Variants in CLASP1 observed in about 807,000 individuals in gnomAD.
The protein encoded by CLASP1 is cytoplasmic linker associated protein 1.
A neutral mutation model predicts 192.3 loss-of-function variants in CLASP1; 38 were observed. The observed-to-expected ratio is 0.20, with a 90% CI of 0.15 to 0.26. The LOEUF (loss-of-function observed/expected upper bound fraction) is 0.26, where lower values mean the gene tolerates loss of function less well. Among genes scored for constraint, CLASP1 ranks in the 10% least tolerant of loss-of-function variants. CLASP1 has a pLI of 1.00. For missense variants in CLASP1, 1,433 were observed against 1,932.5 expected (o/e 0.74, Z 4.85); for synonymous variants, 691 against 712.8 (o/e 0.97, Z 0.49).
intron 19 of CLASP1, among the ~76,000 whole-genome samples, chr2:121,430,454 G>A (rs757027838): frequency 8.5e-5 from 13 of 152,248 alleles, no homozygotes; most frequent in Non-Finnish European, 1.8e-4. Context: ...AGCTATTTTA[G>A]TATGTTATCT....
rs1055983835 is a variant in CLASP1 at position 121,606,046 on chromosome 2, C to CA, written c.-152dup. 1.2e-4 allele frequency: 76 copies of CA among 635,374 alleles called. No homozygotes were observed. The African/African-American group carries it at 1.4e-3, about 11-fold the overall frequency. 39.4% of individuals were successfully genotyped at this position (635,374 alleles called of 1,614,324 possible). The stretch of plus-strand genomic sequence containing the variant: ...TGCAATCTGGGGAATGGCAACAATG[C>CA]ACCATGTGTGTCTGAAGAGCAGCTG... On this transcript the variant is annotated 5_prime_UTR_variant, in exon 2 of 40. It introduces an in-frame stop codon into an upstream open reading frame of the 5' UTR. Coordinates refer to ENST00000263710, the Ensembl canonical transcript of CLASP1.
chr2:121,425,253 G>A, exon 22 of CLASP1: 1 of 1,613,326 alleles, frequency 6.2e-7, no homozygotes, highest in Non-Finnish European at 8.5e-7. Context: ...CCCCCAGTAA[G>A]TCCACCATAA....
At chr2:121,367,903 T>C in intron 34 of CLASP1, 72 bp from the exon 36 acceptor site, 2 of 1,565,250 alleles carry the variant, frequency 1.3e-6, no homozygotes, top group Non-Finnish European at 8.7e-7. Flanking sequence ...CTCAGAAATA[T>C]TAAGAAGGCC....
At chr2:121,339,649 G>A (rs1182760167) in exon 40 of CLASP1, 1 of 152,144 alleles carries the variant, frequency 6.6e-6, no homozygotes, top group African/African-American at 2.4e-5. Context: ...GACTCTAAAT[G>A]TGTGTTCTTT....
intron 1 of CLASP1, among the ~76,000 whole-genome samples, chr2:121,611,831 A>G (rs2065595923): frequency 1.3e-5 from 2 of 149,784 alleles, no homozygotes; most frequent in Non-Finnish European, 3.0e-5. Flanking sequence ...GAGGAAGAGG[A>G]ACTGGAGGAG....
chr2:121,397,383 A>C (rs2075457806), intron 29 of CLASP1, 100 bp from the exon 31 acceptor site: 2 of 972,824 alleles, frequency 2.1e-6, no homozygotes, highest in Non-Finnish European at 3.1e-6. Context: ...GGTGAGGGGG[A>C]TCTCCTTCCT....
chr2:121,358,388 C>T (rs1483119665), intron 37 of CLASP1, among the ~76,000 whole-genome samples: 1 of 152,208 alleles, frequency 6.6e-6, no homozygotes, highest in Non-Finnish European at 1.5e-5. Flanking sequence ...AAAGGCATTT[C>T]TCCAGAGTTC....
Position 121,556,207 on chromosome 2 carries a change from C to T in CLASP1, c.196-25882G>A, listed in dbSNP as rs115042711. 8.5e-3 allele frequency among the ~76,000 whole-genome samples: 1,296 copies of T among 151,904 alleles called. 20 individuals are homozygous for T. The highest frequency in any genetic ancestry group is 0.03 in the African/African-American group (1,248 of 41,410). On this transcript the variant is annotated intron_variant, in intron 2 of 39. Coordinates refer to ENST00000263710, the Ensembl canonical transcript of CLASP1. ...TGCCATGTTGGCCAGGCTGGTCTCACATTCCTGGCCTCAAGTGATCTGCCC... is the reference window on the plus strand; with the variant it reads ...TGCCATGTTGGCCAGGCTGGTCTCATATTCCTGGCCTCAAGTGATCTGCCC...
chr2:121,449,255 G>A (rs191691551), intron 16 of CLASP1, 135 bp from the exon 17 acceptor site: 5 of 662,202 alleles, frequency 7.6e-6, no homozygotes, highest in South Asian at 2.3e-5. Flanking sequence ...AGGAGGAGAG[G>A]GTAAACAAAG....
intron 7 of CLASP1, among the ~76,000 whole-genome samples, chr2:121,515,216 C>T (rs990004772): frequency 6.6e-6 from 1 of 152,172 alleles, no homozygotes; most frequent in Non-Finnish European, 1.5e-5. Context: ...GACATGAAAA[C>T]AGAAAGTTAC....
chr2:121,378,299 A>C (rs2070761505), intron 33 of CLASP1, among the ~76,000 whole-genome samples: 1 of 152,334 alleles, frequency 6.6e-6, no homozygotes, highest in Non-Finnish European at 1.5e-5. Context: ...TTGGAGTTTT[A>C]TAATCAAAGC....
At position 121,424,548 on chromosome 2, in the gene CLASP1, T is replaced by C. The variant is rs2080067340; in HGVS notation, c.2212+591A>G. 2.0e-5 allele frequency among the ~76,000 whole-genome samples: 3 copies of C among 152,226 alleles called. No individual in the cohort carries two copies. The South Asian group carries it at 6.2e-4, about 31-fold the overall frequency. ...TAGATTTTAAATGGAACAAAAGGTA[T>C]TTAAGCGGCTGACAGTAATTCACAT... is the stretch of plus-strand genomic sequence containing the variant. On this transcript the variant is annotated intron_variant, in intron 22 of 39. Transcript: ENST00000263710.
chr2:121,520,040 A>G (rs2094423003), intron 6 of CLASP1, among the ~76,000 whole-genome samples: 1 of 152,206 alleles, frequency 6.6e-6, no homozygotes, highest in Non-Finnish European at 1.5e-5. Context: ...GCCAGGTCTT[A>G]TATGTATGCT....
intron 37 of CLASP1, among the ~76,000 whole-genome samples, chr2:121,360,343 G>T (rs1348921220): frequency 3.9e-5 from 6 of 152,178 alleles, no homozygotes. Context: ...AATAGACTAT[G>T]ACTTTGTATG....
intron 6 of CLASP1, among the ~76,000 whole-genome samples, chr2:121,523,530 C>T (rs2094503938): frequency 6.6e-6 from 1 of 152,138 alleles, no homozygotes; most frequent in Admixed American, 6.5e-5. Flanking sequence ...AAAAGGAAAA[C>T]CTGTGAAGAG....
At chr2:121,467,419 C>T (rs1321491000) in intron 9 of CLASP1, among the ~76,000 whole-genome samples, 1 of 152,190 alleles carries the variant, frequency 6.6e-6, no homozygotes, top group African/African-American at 2.4e-5. Flanking sequence ...AATTTACACT[C>T]CCATCAACAG....
intron 7 of CLASP1, among the ~76,000 whole-genome samples, chr2:121,513,391 A>C (rs1298201376): frequency 6.6e-6 from 1 of 152,136 alleles, no homozygotes; most frequent in Non-Finnish European, 1.5e-5. Flanking sequence ...CCTCATTTCT[A>C]TTCAGAGGTC....
At chr2:121,427,306 C>A in intron 21 of CLASP1, 98 bp downstream of exon 21, 1 of 1,396,462 alleles carries the variant, frequency 7.2e-7, no homozygotes, top group Non-Finnish European at 9.8e-7. Context: ...ACTAAGCTTA[C>A]AATAAAGAGA....
At chr2:121,615,952 G>A (rs191554498) in intron 1 of CLASP1, among the ~76,000 whole-genome samples, 53 of 152,272 alleles carry the variant, frequency 3.5e-4, no homozygotes, top group Admixed American at 5.2e-4. Flanking sequence ...TTCATTGAAA[G>A]TTCAAAGCAT....
Sources: allele counts gnomAD v4.1 joint callset (sites outside exome capture counted in the v4.1 genomes callset), GRCh38; gene constraint gnomAD v4.1.1; transcripts MANE v1.5; gene names NCBI Gene and HGNC (gene_info 2026-07-23, HGNC 2026-07-21).